The following CLEC16A variants were observed in gnomAD, a reference collection of about 807,000 sequenced individuals.
The protein encoded by CLEC16A is protein CLEC16A.
In CLEC16A, 51 loss-of-function variants were observed where a neutral mutation model predicts 109.5. The observed-to-expected ratio is 0.47, with a 90% CI of 0.37 to 0.59. The LOEUF (loss-of-function observed/expected upper bound fraction) is 0.59, where lower values mean the gene tolerates loss of function less well. Ranked by LOEUF, CLEC16A falls within the 20% of genes least tolerant of loss-of-function variation. The pLI, the probability that CLEC16A is intolerant of heterozygous loss-of-function variation, is 0.00. For synonymous variants in CLEC16A, 673 were observed against 564.2 expected (o/e 1.19, Z -2.73); for missense variants, 1,339 against 1,394.0 (o/e 0.96, Z 0.63).
chr16:11,156,729 G>A (rs1269856650), intron 22 of CLEC16A: 6 of 1,216,410 alleles, frequency 4.9e-6, no homozygotes, highest in African/African-American at 1.6e-5. Flanking sequence ...CAGGGACTGG[G>A]TCCTTGGGAA....
intron 1 of CLEC16A, among the ~76,000 whole-genome samples, chr16:10,955,230 G>C (rs1266165390): frequency 6.6e-6 from 1 of 152,214 alleles, no homozygotes; most frequent in Non-Finnish European, 1.5e-5. Context: ...CCCTGGCTAT[G>C]TTCAGTCGTG....
intron 16 of CLEC16A, 47 bp downstream of exon 16, chr16:11,044,119 A>G: frequency 6.5e-7 from 1 of 1,538,148 alleles, no homozygotes; most frequent in Non-Finnish European, 8.9e-7. Flanking sequence ...TGTATTGTAG[A>G]AACAGAAGTG....
intron 17 of CLEC16A, 143 bp downstream of exon 17, chr16:11,047,485 G>A (rs1464118349): frequency 6.5e-6 from 3 of 464,232 alleles, no homozygotes; most frequent in African/African-American, 2.0e-5. Context: ...ATTTAGAATG[G>A]TGTCTTGTGA....
chr16:11,031,642 C>T (rs1270149931), intron 13 of CLEC16A, among the ~76,000 whole-genome samples: 1 of 152,208 alleles, frequency 6.6e-6, no homozygotes, highest in Admixed American at 6.5e-5. Flanking sequence ...GCACTGGGAT[C>T]AGTATTGGGG....
intron 18 of CLEC16A, among the ~76,000 whole-genome samples, chr16:11,058,495 G>C (rs2048323447): frequency 6.6e-6 from 1 of 151,308 alleles, no homozygotes; most frequent in Non-Finnish European, 1.5e-5. Context: ...AAGGAAAAAA[G>C]TCTGTACAAG....
intron 22 of CLEC16A, among the ~76,000 whole-genome samples, chr16:11,164,525 G>T (rs1427763441): frequency 1.3e-5 from 2 of 152,228 alleles, no homozygotes; most frequent in African/African-American, 2.4e-5. Context: ...CCTCAGCTGG[G>T]AAGTGAGCAG....
intron 10 of CLEC16A, among the ~76,000 whole-genome samples, chr16:10,995,313 T>C (rs2044262920): frequency 6.6e-6 from 1 of 152,124 alleles, no homozygotes; most frequent in Admixed American, 6.5e-5. Context: ...GAAACCACGG[T>C]GGATGGGACC....
At position 10,965,430 on chromosome 16, in the gene CLEC16A, G is replaced by T. The variant is rs555227987; in HGVS notation, c.343+2842G>T. Among the ~76,000 whole-genome samples the T allele has an allele frequency of 4.5e-4, 69 of 152,290 alleles. 1 individual carries two copies. The Middle Eastern group carries it at 0.01, about 23-fold the overall frequency. On this transcript the variant is annotated intron_variant, in intron 3 of 23. Transcript: ENST00000409790. ...AGTTTCTGCAGAATTCAACCCTAAC[G>T]ATCCATTGTGCACCAGCCATTCTGC... is the stretch of plus-strand genomic sequence containing the variant.
In CLEC16A at chr16:11,024,929, C is replaced by T. The variant is rs758058476; in HGVS notation, c.1537+8C>T. ...CCATGTCTCATAATAAAGGTAAGCA[C>T]CCTTGCCTTGCCTGACTTCCTTGCT... On this transcript the variant is annotated splice_region_variant and intron_variant, in intron 13 of 23. Transcript: ENST00000409790. The T allele has an allele frequency of 2.5e-6, 4 of 1,589,086 alleles. No homozygotes were observed. Among genetic ancestry groups the T allele is most frequent in the Non-Finnish European group, 2.6e-6 (3 of 1,163,492 alleles).
intron 22 of CLEC16A, among the ~76,000 whole-genome samples, chr16:11,140,575 A>G (rs2053777647): frequency 2.0e-5 from 3 of 152,192 alleles, no homozygotes; most frequent in Non-Finnish European, 2.9e-5. Context: ...AGCAAAGAAC[A>G]AATGCAGAAT....
rs112616898 is a variant in CLEC16A at position 10,948,095 on chromosome 16, G to A, written c.80+3298G>A. 4.1e-3 allele frequency among the ~76,000 whole-genome samples: 621 copies of A among 152,156 alleles called. 3 individuals carry two copies. The highest frequency in any genetic ancestry group is 7.5e-3 in the South Asian group (36 of 4,820). ...TTTTTAGTAGAGACGGGGTTTCACC[G>A]TGTTAGCCAGGATGGTCTCGATCTC... On this transcript the variant is annotated intron_variant, in intron 1 of 23. Coordinates refer to ENST00000409790, the MANE Select transcript of CLEC16A (RefSeq NM_015226.3).
intron 3 of CLEC16A, among the ~76,000 whole-genome samples, chr16:10,965,313 C>G (rs1156880436): frequency 1.3e-5 from 2 of 152,148 alleles, no homozygotes; most frequent in East Asian, 3.8e-4. Context: ...GATAGAAGAC[C>G]TTTGCTTTTA....
At chr16:11,062,306 A>G (rs2048524818) in intron 19 of CLEC16A, among the ~76,000 whole-genome samples, 1 of 152,168 alleles carries the variant, frequency 6.6e-6, no homozygotes, top group Admixed American at 6.5e-5. Flanking sequence ...AGCTTTATTA[A>G]GATATAATTT....
At chr16:11,017,154 G>A (rs1366129594) in intron 11 of CLEC16A, among the ~76,000 whole-genome samples, 1 of 152,096 alleles carries the variant, frequency 6.6e-6, no homozygotes, top group Non-Finnish European at 1.5e-5. Flanking sequence ...GGCCCACCCC[G>A]CCTCAGATCA....
Position 11,179,226 on chromosome 16 carries a change from G to A in CLEC16A, c.*536G>A, listed in dbSNP as rs554636773. On this transcript the variant is annotated 3_prime_UTR_variant, in exon 24 of 24. Coordinates refer to ENST00000409790, the MANE Select transcript of CLEC16A (RefSeq NM_015226.3). ...TCAACACTAAGGTTTGATGTCATGT[G>A]AAAAGTGTAATAATAACAGTTAAGA... The A allele has an allele frequency of 3.9e-5, 6 of 152,728 alleles. No homozygotes were observed. The highest frequency in any genetic ancestry group is 1.4e-4 in the African/African-American group (6 of 41,594). 9.5% of individuals were successfully genotyped at this position (152,728 alleles called of 1,614,324 possible).
chr16:10,968,909 G>T (rs1002351716), intron 3 of CLEC16A, among the ~76,000 whole-genome samples: 3 of 151,980 alleles, frequency 2.0e-5, no homozygotes, highest in Non-Finnish European at 4.4e-5. Flanking sequence ...ATGTTGGAGT[G>T]TCTTTTTTTT....
chr16:11,084,761 G>C (rs970450590), intron 19 of CLEC16A, among the ~76,000 whole-genome samples: 5 of 152,170 alleles, frequency 3.3e-5, no homozygotes, highest in Non-Finnish European at 7.3e-5. Context: ...TAAATCATTC[G>C]CGTTCCACCT....
intron 18 of CLEC16A, among the ~76,000 whole-genome samples, 192 bp downstream of exon 18, chr16:11,051,833 T>C (rs551619584): frequency 4.6e-5 from 7 of 152,226 alleles, no homozygotes; most frequent in Non-Finnish European, 8.8e-5. Context: ...GGAAGTAGGG[T>C]TTGGCATTCC....
chr16:11,079,026 G>GT (rs1216449358), intron 19 of CLEC16A, among the ~76,000 whole-genome samples: 1 of 152,162 alleles, frequency 6.6e-6, no homozygotes, highest in Admixed American at 6.5e-5. Flanking sequence ...AAGGGCCTGC[G>GT]TAATAGGTTG....
Sources: allele counts gnomAD v4.1 joint callset (sites outside exome capture counted in the v4.1 genomes callset), GRCh38; gene constraint gnomAD v4.1.1; transcripts MANE v1.5; gene names NCBI Gene and HGNC (gene_info 2026-07-23, HGNC 2026-07-21).